Variants in NALCN observed in about 807,000 individuals in gnomAD.
The protein encoded by NALCN is sodium leak channel NALCN.
NALCN carries 111 observed loss-of-function variants against 225.3 expected under a neutral mutation model. That is an observed-to-expected ratio of 0.49 (90% confidence interval 0.42 to 0.58). The LOEUF (loss-of-function observed/expected upper bound fraction) is 0.58. Among genes scored for constraint, NALCN ranks in the 20% least tolerant of loss-of-function variants. The probability of loss-of-function intolerance (pLI) is 0.00; values close to 1 mark genes in which losing one functional copy is unlikely to be tolerated. For missense variants in NALCN, 1,378 were observed against 2,202.4 expected (o/e 0.63, Z 7.49); for synonymous variants, 764 against 769.0 (o/e 0.99, Z 0.11).
chr13:101,170,067 G>A (rs892811327), intron 15 of NALCN, among the ~76,000 whole-genome samples: 23 of 150,448 alleles, frequency 1.5e-4, no homozygotes, highest in African/African-American at 5.6e-4. Flanking sequence ...CAATATAGGC[G>A]ACAAAATGGA....
intron 13 of NALCN, among the ~76,000 whole-genome samples, chr13:101,195,363 A>C (rs974102985): frequency 2.6e-5 from 4 of 152,134 alleles, no homozygotes; most frequent in African/African-American, 9.7e-5. Context: ...CATTTCTTAT[A>C]TTTTTGCAAA....
intron 10 of NALCN, among the ~76,000 whole-genome samples, chr13:101,280,876 C>T (rs1359839175): frequency 2.1e-5 from 1 of 46,530 alleles, no homozygotes; most frequent in Non-Finnish European, 4.5e-5. Flanking sequence ...CTCATTCTCT[C>T]TCTCTCTTTT....
chr13:101,386,985 G>A (rs565146979), intron 3 of NALCN, among the ~76,000 whole-genome samples: 12 of 151,944 alleles, frequency 7.9e-5, no homozygotes, highest in Non-Finnish European at 1.5e-4. Flanking sequence ...ACTTTGGGAG[G>A]CCGAGGCGGG....
At chr13:101,272,043 G>A (rs945426092) in intron 10 of NALCN, among the ~76,000 whole-genome samples, 8 of 151,932 alleles carry the variant, frequency 5.3e-5, no homozygotes, top group African/African-American at 1.9e-4. Context: ...TGTGAGTTGT[G>A]TGAGCGTGCA....
At chr13:101,409,441 C>A (rs2047716387) in intron 1 of NALCN, among the ~76,000 whole-genome samples, 1 of 152,174 alleles carries the variant, frequency 6.6e-6, no homozygotes, top group African/African-American at 2.4e-5. Flanking sequence ...CAGTAATTAA[C>A]AACTCCCCAT....
intron 13 of NALCN, among the ~76,000 whole-genome samples, chr13:101,195,662 C>G (rs1442837585): frequency 6.6e-6 from 1 of 152,150 alleles, no homozygotes; most frequent in Non-Finnish European, 1.5e-5. Flanking sequence ...CTTGATTTAT[C>G]CACTTTAGAC....
At position 101,239,477 on chromosome 13, in the gene NALCN, C is replaced by T. The variant is rs1193162337; in HGVS notation, c.1267-1555G>A. Among the ~76,000 whole-genome samples the T allele has an allele frequency of 2.0e-5, 3 of 152,004 alleles. No individual in the cohort carries two copies. The East Asian group carries it at 5.8e-4, about 29-fold the overall frequency. On this transcript the variant is annotated intron_variant, in intron 11 of 43. Coordinates refer to ENST00000251127, the MANE Select transcript of NALCN (RefSeq NM_052867.4). ...GGGTATGCAGGAATATTATATATCA[C>T]TCTGCAACTTGTTTTCTGAGTCACT...
chr13:101,148,710 G>C (rs8000980), intron 15 of NALCN, among the ~76,000 whole-genome samples: 23,236 of 152,106 alleles, frequency 0.15, 2,165 homozygotes, highest in East Asian at 0.4. Context: ...AAGGTGAGCT[G>C]AGCAAATATT....
At chr13:101,329,738 C>A (rs1426126717) in intron 7 of NALCN, among the ~76,000 whole-genome samples, 1 of 151,822 alleles carries the variant, frequency 6.6e-6, no homozygotes, top group African/African-American at 2.4e-5. Flanking sequence ...CATGGGAATC[C>A]TAAAAATATA....
intron 3 of NALCN, 118 bp from the exon 4 acceptor site, chr13:101,378,771 T>C (rs971955334): frequency 2.8e-6 from 2 of 702,732 alleles, no homozygotes; most frequent in African/African-American, 1.8e-5. Flanking sequence ...TGTATCATAA[T>C]AGAACAGACT....
chr13:101,187,799 T>C (rs1045107512), intron 14 of NALCN, among the ~76,000 whole-genome samples: 3 of 152,176 alleles, frequency 2.0e-5, no homozygotes, highest in Admixed American at 6.5e-5. Flanking sequence ...TAGCACAATT[T>C]ATCTATAGAG....
chr13:101,377,888 T>A (rs1018127485), intron 4 of NALCN, among the ~76,000 whole-genome samples: 1 of 152,124 alleles, frequency 6.6e-6, no homozygotes, highest in Non-Finnish European at 1.5e-5. Flanking sequence ...GGCAAAATCA[T>A]GTCTGAATGA....
intron 7 of NALCN, among the ~76,000 whole-genome samples, chr13:101,296,799 A>G (rs546843715): frequency 2.6e-5 from 4 of 152,336 alleles, no homozygotes; most frequent in African/African-American, 7.2e-5. Context: ...AAGAAATGCA[A>G]TCACAACAAT....
intron 9 of NALCN, among the ~76,000 whole-genome samples, chr13:101,288,894 A>G (rs1271553352): frequency 2.0e-5 from 3 of 152,220 alleles, no homozygotes; most frequent in East Asian, 1.9e-4. Context: ...GCTCATCTCC[A>G]TCATGAGCTA....
chr13:101,144,726 T>A, intron 16 of NALCN, 34 bp downstream of exon 16: 1 of 1,591,490 alleles, frequency 6.3e-7, no homozygotes, highest in Non-Finnish European at 8.6e-7. Context: ...TTACAATATA[T>A]GTGAAATATG....
intron 15 of NALCN, among the ~76,000 whole-genome samples, chr13:101,146,644 A>G (rs2037359793): frequency 6.6e-6 from 1 of 152,216 alleles, no homozygotes; most frequent in African/African-American, 2.4e-5. Flanking sequence ...TATCAGGCCA[A>G]AGGTGATAAG....
intron 11 of NALCN, among the ~76,000 whole-genome samples, chr13:101,253,404 T>C (rs1307455398): frequency 6.6e-6 from 1 of 152,184 alleles, no homozygotes. Flanking sequence ...CTTTAAAAGC[T>C]CATGACCTGT....
intron 7 of NALCN, among the ~76,000 whole-genome samples, chr13:101,293,405 A>G (rs572702231): frequency 1.3e-5 from 2 of 152,360 alleles, no homozygotes; most frequent in South Asian, 4.1e-4. Flanking sequence ...CTTTTGTGAG[A>G]AAACACACAC....
chr13:101,262,627 T>A (rs1204849605), intron 10 of NALCN, among the ~76,000 whole-genome samples: 2 of 152,220 alleles, frequency 1.3e-5, no homozygotes, highest in Non-Finnish European at 2.9e-5. Context: ...TTTCCTTAGC[T>A]GTGGATTTAT....
Sources: gnomAD v4.1 joint callset for allele counts (sites outside exome capture counted in the v4.1 genomes callset) on GRCh38, gnomAD v4.1.1 for gene constraint, MANE v1.5 for transcripts, NCBI Gene and HGNC (gene_info 2026-07-23, HGNC 2026-07-21) for gene names.